Variants in CAMSAP1 observed in about 807,000 individuals in gnomAD.
CAMSAP1 encodes the protein calmodulin regulated spectrin associated protein 1.
Under a neutral mutation model 143.5 loss-of-function variants are expected in CAMSAP1, and 58 were observed. That is an observed-to-expected ratio of 0.40 (90% confidence interval 0.33 to 0.50). The LOEUF (loss-of-function observed/expected upper bound fraction) is 0.50, where lower values mean the gene tolerates loss of function less well. CAMSAP1 is among the 20% of genes least tolerant of loss of function. The pLI is 0.45. For missense variants in CAMSAP1, 1,969 were observed against 2,115.7 expected (o/e 0.93, Z 1.36); for synonymous variants, 945 against 859.3 (o/e 1.10, Z -1.74).
At chr9:135,884,052 G>A (rs1205231008) in intron 1 of CAMSAP1, among the ~76,000 whole-genome samples, 3 of 152,164 alleles carry the variant, frequency 2.0e-5, no homozygotes, top group African/African-American at 7.2e-5. Flanking sequence ...AAAGACGGAG[G>A]ACGAGGGATG....
At chr9:135,851,140 G>C (rs999651530) in intron 5 of CAMSAP1, among the ~76,000 whole-genome samples, 9 of 152,228 alleles carry the variant, frequency 5.9e-5, no homozygotes, top group African/African-American at 2.2e-4. Context: ...TGTGGAGTGG[G>C]GGGTGGCCCT....
At chr9:135,877,023 T>G (rs375719526) in intron 3 of CAMSAP1, among the ~76,000 whole-genome samples, 13 of 151,534 alleles carry the variant, frequency 8.6e-5, no homozygotes, top group East Asian at 7.8e-4. Flanking sequence ...AAGAAAGAAA[T>G]AAAAATATAT....
rs902847342 is a variant in CAMSAP1, at chr9:135,907,208, CCGCCCCTCGCCGCGCCGGGCCCGGTG to C, written c.-75_-50del. 1.1e-4 allele frequency: 114 copies of C among 1,027,480 alleles called. 1 individual carries two copies. Among genetic ancestry groups the C allele is most frequent in the Middle Eastern group, 4.6e-4 (1 of 2,184 alleles). The allele number at this position is 1,027,480 out of a possible 1,614,324, so 63.6% of individuals were successfully genotyped here. A position where few individuals can be genotyped will look rare whatever the true frequency, so the allele number is the denominator to read the frequency against. On this transcript the variant is annotated 5_prime_UTR_variant, in exon 1 of 17. Transcript: ENST00000389532. Reference sequence around the variant, plus strand: ...CGGCCCGGCCGCAACAAAGGCGCCGCCGCCCCTCGCCGCGCCGGGCCCGGTGCGCCCCGAGCCACCACTCGGCCCCG... The same window carrying C: ...CGGCCCGGCCGCAACAAAGGCGCCGCCGCCCCGAGCCACCACTCGGCCCCG...
intron 1 of CAMSAP1, among the ~76,000 whole-genome samples, chr9:135,898,688 A>G (rs1396449458): frequency 1.3e-5 from 2 of 152,236 alleles, no homozygotes; most frequent in South Asian, 2.1e-4. Flanking sequence ...ACCTACTTAC[A>G]TAACTAAAAT....
intron 1 of CAMSAP1, among the ~76,000 whole-genome samples, chr9:135,894,617 A>G (rs1327414285): frequency 2.0e-5 from 3 of 152,186 alleles, no homozygotes; most frequent in African/African-American, 7.2e-5. Context: ...ACAGCACCAC[A>G]AAGGCTAGGA....
chr9:135,828,957 G>A (rs570589870), intron 7 of CAMSAP1, among the ~76,000 whole-genome samples: 3 of 152,308 alleles, frequency 2.0e-5, no homozygotes, highest in South Asian at 2.1e-4. Flanking sequence ...ATCTGGCGAA[G>A]CAATACTTCA....
chr9:135,864,260 C>T (rs932638122), intron 4 of CAMSAP1, among the ~76,000 whole-genome samples: 2 of 152,230 alleles, frequency 1.3e-5, no homozygotes, highest in African/African-American at 2.4e-5. Flanking sequence ...GACTAAATCA[C>T]GTAAGTGCTT....
chr9:135,875,371 G>A (rs1056419091), intron 3 of CAMSAP1, among the ~76,000 whole-genome samples: 1 of 151,946 alleles, frequency 6.6e-6, no homozygotes, highest in East Asian at 1.9e-4. Flanking sequence ...CACCATGCCT[G>A]GCTAGTTTTT....
At chr9:135,837,907 T>C (rs1439924035) in intron 7 of CAMSAP1, among the ~76,000 whole-genome samples, 226 of 91,694 alleles carry the variant, frequency 2.5e-3, no homozygotes, top group Middle Eastern at 9.4e-3. Flanking sequence ...AGACACACGT[T>C]ATCACGCACT....
At chr9:135,847,753 G>A (rs1053181548) in intron 7 of CAMSAP1, among the ~76,000 whole-genome samples, 1 of 136,930 alleles carries the variant, frequency 7.3e-6, no homozygotes, top group African/African-American at 2.8e-5. Context: ...TAATGTAGAG[G>A]ATGGGTTGAT....
At chr9:135,872,815 T>A (rs1564451514) in intron 3 of CAMSAP1, among the ~76,000 whole-genome samples, 1 of 152,146 alleles carries the variant, frequency 6.6e-6, no homozygotes, top group African/African-American at 2.4e-5. Context: ...TATCGAAAAC[T>A]TGAATATGTG....
At chr9:135,823,608 C>G (rs189404067) in intron 10 of CAMSAP1, among the ~76,000 whole-genome samples, 16 of 152,214 alleles carry the variant, frequency 1.1e-4, no homozygotes, top group Non-Finnish European at 1.8e-4. Flanking sequence ...CACTCCATGA[C>G]AAATGACTAT....
At position 135,866,918 on chromosome 9, in the gene CAMSAP1, G is replaced by A. The variant is rs77572760; in HGVS notation, c.586-382C>T. On this transcript the variant is annotated intron_variant, in intron 3 of 16. Transcript: ENST00000389532. ...AATCTGGTGGAGACACCTCACTAAAGAGCCTAACTTGTGACAGGATGGGTC... is the reference window on the plus strand; with the variant it reads ...AATCTGGTGGAGACACCTCACTAAAAAGCCTAACTTGTGACAGGATGGGTC... 6.6e-3 allele frequency among the ~76,000 whole-genome samples: 999 copies of A among 152,304 alleles called. 6 individuals carry two copies. The highest frequency in any genetic ancestry group is 0.022 in the African/African-American group (925 of 41,554).
intron 7 of CAMSAP1, among the ~76,000 whole-genome samples, chr9:135,833,524 T>C (rs2131689969): frequency 6.6e-6 from 1 of 152,348 alleles, no homozygotes; most frequent in East Asian, 1.9e-4. Context: ...TACGGTTAAC[T>C]AATCTTTGAC....
At chr9:135,838,463 T>C (rs1836207374) in intron 7 of CAMSAP1, among the ~76,000 whole-genome samples, 1 of 146,782 alleles carries the variant, frequency 6.8e-6, no homozygotes, top group African/African-American at 2.6e-5. Flanking sequence ...TTTCCACCTG[T>C]TCTACAGACA....
chr9:135,821,452 T>C lies in CAMSAP1; in HGVS notation c.3209A>G (p.Lys1070Arg). ...SKNNSQDHKV[K>R]APVHFVEPLS... ...TGGCTCCACGAAGTGGACTGGTGCC[T>C]TCACTTTGTGGTCCTGCGAGTTATT... The change falls in exon 11 of 17, where the codon AAG (lysine) becomes AGG (arginine). Residue 1070 changes from lysine to arginine, a missense_variant. Physicochemically the swap from Lys to Arg is conservative, Grantham distance 26. Coordinates refer to ENST00000389532, the MANE Select transcript of CAMSAP1 (RefSeq NM_015447.4). The surrounding 1 kb of genome is among the most constrained non-coding windows in gnomAD (Gnocchi z 4.6). 1 of 1,614,048 alleles carries C rather than the reference T, an allele frequency of 6.2e-7. No homozygotes were observed. The highest frequency in any genetic ancestry group is 8.5e-7 in the Non-Finnish European group (1 of 1,179,892).
chr9:135,880,544 G>A (rs1837908936), intron 3 of CAMSAP1, among the ~76,000 whole-genome samples: 2 of 151,208 alleles, frequency 1.3e-5, no homozygotes, highest in Non-Finnish European at 2.9e-5. Flanking sequence ...CAAGAGCAGG[G>A]CAACTGTCTT....
chr9:135,866,505 TTC>T lies in CAMSAP1; in HGVS notation c.615_616del (p.Lys206ArgfsTer3). Reference sequence around the variant, plus strand: ...TAACTGTTGTTTTAATTTAACTTCTTTCTCTGTTATCTCTCTCATTTTAAGAT... The same window carrying T: ...TAACTGTTGTTTTAATTTAACTTCTTTCTGTTATCTCTCTCATTTTAAGAT... On this transcript the variant is annotated frameshift_variant, in exon 4 of 17. Coordinates refer to ENST00000389532, the MANE Select transcript of CAMSAP1 (RefSeq NM_015447.4). LOFTEE classifies it high-confidence loss of function. 6.8e-7 allele frequency: 1 copy of T among 1,472,126 alleles called. No individual in the cohort carries two copies. Among genetic ancestry groups the T allele is most frequent in the Non-Finnish European group, 9.3e-7 (1 of 1,074,720 alleles). 91.2% of individuals were successfully genotyped at this position (1,472,126 alleles called of 1,614,324 possible).
At chr9:135,854,317 T>TA (rs1476911104) in intron 5 of CAMSAP1, among the ~76,000 whole-genome samples, 1 of 152,248 alleles carries the variant, frequency 6.6e-6, no homozygotes, top group African/African-American at 2.4e-5. Context: ...TCAGTATTTT[T>TA]ATTTCAGTAG....
Sources: allele counts gnomAD v4.1 joint callset (sites outside exome capture counted in the v4.1 genomes callset), GRCh38; gene constraint gnomAD v4.1.1; non-coding constraint Gnocchi (gnomAD v3.1); transcripts MANE v1.5; gene names NCBI Gene and HGNC (gene_info 2026-07-23, HGNC 2026-07-21).